MTDH: variants seen among roughly 807,000 people sequenced by gnomAD.
MTDH encodes protein LYRIC.
In MTDH, 34 loss-of-function variants were observed where a neutral mutation model predicts 72.7. The observed-to-expected ratio is 0.47, with a 90% CI of 0.36 to 0.62. MTDH has a LOEUF of 0.62. Ranked by LOEUF, MTDH falls within the 20% of genes least tolerant of loss-of-function variation. The pLI, the probability that MTDH is intolerant of heterozygous loss-of-function variation, is 0.00. For missense variants in MTDH, 677 were observed against 699.4 expected, an observed-to-expected ratio of 0.97 and a Z score of 0.36; for synonymous variants, 266 against 268.9, an observed-to-expected ratio of 0.99 and a Z score of 0.10.
At chr8:97,668,803 C>T (rs1199462806) in intron 2 of MTDH, among the ~76,000 whole-genome samples, 1 of 152,156 alleles carries the variant, frequency 6.6e-6, no homozygotes, top group Non-Finnish European at 1.5e-5. Flanking sequence ...GGCCCGCCCA[C>T]CTCGGCCTCC....
At chr8:97,718,437 T>C (rs1270528477) in intron 9 of MTDH, among the ~76,000 whole-genome samples, 3 of 152,242 alleles carry the variant, frequency 2.0e-5, no homozygotes, top group African/African-American at 7.2e-5. Flanking sequence ...ATCTAGAAAA[T>C]TAACTTATGT....
intron 7 of MTDH, 134 bp downstream of exon 7, chr8:97,699,986 A>G (rs548328071): frequency 2.0e-5 from 10 of 496,260 alleles, no homozygotes; most frequent in South Asian, 8.5e-5. Context: ...TTTAATACCA[A>G]ATGTACTACT....
rs1815323800 is a variant in MTDH, at chr8:97,725,673, A to G, written c.*1003A>G. The G allele has an allele frequency of 6.6e-6, 1 of 152,640 alleles. No individual in the cohort carries two copies. Among genetic ancestry groups the G allele is most frequent in the Non-Finnish European group, 1.5e-5 (1 of 68,032 alleles). The allele number at this position is 152,640 out of a possible 1,614,324, so 9.5% of individuals were successfully genotyped here. A position where few individuals can be genotyped will look rare whatever the true frequency, so the allele number is the denominator to read the frequency against. On this transcript the variant is annotated 3_prime_UTR_variant, in exon 12 of 12. Transcript: ENST00000336273. ...TGCCTTAACCTGTAGTGCGTAGAAT[A>G]TGCATCAATTTCTTGAAGGAGATTC...
chr8:97,713,784 C>T lies in MTDH; in HGVS notation c.1380+15C>T. 6.8e-7 allele frequency: 1 copy of T among 1,475,980 alleles called. No individual in the cohort carries two copies. Among genetic ancestry groups the T allele is most frequent in the Non-Finnish European group, 9.2e-7 (1 of 1,092,244 alleles). The allele number at this position is 1,475,980 out of a possible 1,614,324, so 91.4% of individuals were successfully genotyped here. On this transcript the variant is annotated intron_variant, in intron 9 of 11. Transcript: ENST00000336273. ...CTACTGCACAGGTAAAATGTCAGAA[C>T]AACAAGCATTCATTAAGCGCCTCCG...
At chr8:97,684,297 C>T (rs762593842) in intron 2 of MTDH, among the ~76,000 whole-genome samples, 3 of 151,914 alleles carry the variant, frequency 2.0e-5, no homozygotes, top group African/African-American at 4.8e-5. Context: ...ATTATAGATA[C>T]GTTGTGTTAA....
At chr8:97,722,486 C>T (rs1056064031) in intron 10 of MTDH, among the ~76,000 whole-genome samples, 5 of 152,132 alleles carry the variant, frequency 3.3e-5, no homozygotes, top group Admixed American at 6.6e-5. Context: ...CCTGTAGTCC[C>T]AGCTACTCAG....
At chr8:97,719,459 C>G (rs1018461905) in intron 10 of MTDH, among the ~76,000 whole-genome samples, 25 of 145,658 alleles carry the variant, frequency 1.7e-4, no homozygotes, top group Admixed American at 1.4e-3. Flanking sequence ...CTCCACTGCA[C>G]TCCGGCCTAG....
intron 8 of MTDH, among the ~76,000 whole-genome samples, chr8:97,709,854 A>G (rs1814548217): frequency 6.6e-6 from 1 of 152,224 alleles, no homozygotes; most frequent in African/African-American, 2.4e-5. Context: ...TTTAAAATAC[A>G]TTTATCAAAA....
intron 1 of MTDH, among the ~76,000 whole-genome samples, chr8:97,645,770 T>G (rs902269877): frequency 1.3e-5 from 2 of 152,220 alleles, no homozygotes; most frequent in African/African-American, 2.4e-5. Context: ...GGTTCTCCCA[T>G]TATATCTTTC....
intron 11 of MTDH, among the ~76,000 whole-genome samples, chr8:97,723,616 A>G (rs7838173): frequency 0.039 from 5,063 of 129,766 alleles, 261 homozygotes; most frequent in African/African-American, 0.13. Flanking sequence ...GGTGGCAGGC[A>G]CCTGTAGTCC....
In MTDH at chr8:97,727,508, T is replaced by G. The variant is rs1489343139; in HGVS notation, c.*2838T>G. 6.3e-5 allele frequency: 6 copies of G among 94,598 alleles called. No homozygotes were observed. Among genetic ancestry groups the G allele is most frequent in the Admixed American group, 3.2e-4 (3 of 9,392 alleles). The allele number at this position is 94,598 out of a possible 1,614,324, so 5.9% of individuals were successfully genotyped here. A position where few individuals can be genotyped will look rare whatever the true frequency, so the allele number is the denominator to read the frequency against. ...AGACTCAATCTCAAAAAAAAAAAAG[T>G]TTCTGGCACCTGAACAGGAACTGGT... is the stretch of plus-strand genomic sequence containing the variant. On this transcript the variant is annotated 3_prime_UTR_variant, in exon 12 of 12. Transcript: ENST00000336273.
chr8:97,684,110 C>G (rs913037854), intron 2 of MTDH, among the ~76,000 whole-genome samples: 1 of 142,722 alleles, frequency 7.0e-6, no homozygotes, highest in African/African-American at 2.6e-5. Context: ...GCACTCCAGC[C>G]TGGGCAACAA....
chr8:97,649,535 ACTC>A (rs571987357), intron 1 of MTDH, among the ~76,000 whole-genome samples: 156 of 151,914 alleles, frequency 1.0e-3, no homozygotes, highest in African/African-American at 3.1e-3. Context: ...TCTCACCATT[ACTC>A]CTAAGACAAG....
intron 2 of MTDH, among the ~76,000 whole-genome samples, chr8:97,685,065 C>CA (rs912657353): frequency 2.0e-5 from 3 of 151,260 alleles, no homozygotes; most frequent in African/African-American, 2.4e-5. Flanking sequence ...GACTCCGTCT[C>CA]AAAAAAAACC....
At position 97,687,417 on chromosome 8, in the gene MTDH, G is replaced by C; in HGVS notation, c.569-12G>C. ...CTTACTGAATAACATTTTTTTTCTG[G>C]GGCTATGTCAGGAGCCTGGGAAACT... On this transcript the variant is annotated splice_polypyrimidine_tract_variant and intron_variant, in intron 3 of 11. Transcript: ENST00000336273. 1 of 1,550,366 alleles carries C rather than the reference G, an allele frequency of 6.5e-7. No homozygotes were observed. Among genetic ancestry groups the C allele is most frequent in the Non-Finnish European group, 8.7e-7 (1 of 1,148,966 alleles).
intron 2 of MTDH, among the ~76,000 whole-genome samples, chr8:97,680,463 A>T (rs765881056): frequency 6.6e-6 from 1 of 152,204 alleles, no homozygotes; most frequent in Non-Finnish European, 1.5e-5. Context: ...ATTGTCATTT[A>T]ACTCATTCCT....
rs970082526 is a variant in MTDH at position 97,727,788 on chromosome 8, A to C, written c.*3118A>C. 1.3e-5 allele frequency: 2 copies of C among 152,182 alleles called. No individual in the cohort carries two copies. The highest frequency in any genetic ancestry group is 4.8e-5 in the African/African-American group (2 of 41,446). 9.4% of individuals were successfully genotyped at this position (152,182 alleles called of 1,614,324 possible). A position where few individuals can be genotyped will look rare whatever the true frequency, so the allele number is the denominator to read the frequency against. On this transcript the variant is annotated 3_prime_UTR_variant, in exon 12 of 12. Transcript: ENST00000336273. ...ATACTGAAAATTCTTCCCTACTCTG[A>C]GGCAGGGTGTAGTGGTTTAGGGGTT...
At chr8:97,680,049 A>T (rs928144116) in intron 2 of MTDH, among the ~76,000 whole-genome samples, 2 of 152,106 alleles carry the variant, frequency 1.3e-5, no homozygotes, top group African/African-American at 2.4e-5. Flanking sequence ...ATGATTATTT[A>T]TCAAAGCCTT....
At chr8:97,655,891 A>G (rs568562357) in intron 1 of MTDH, among the ~76,000 whole-genome samples, 3 of 152,250 alleles carry the variant, frequency 2.0e-5, no homozygotes, top group Non-Finnish European at 2.9e-5. Flanking sequence ...GTAAATGTGT[A>G]AGACAAAGTA....
Sources: gnomAD v4.1 joint callset for allele counts (sites outside exome capture counted in the v4.1 genomes callset) on GRCh38, gnomAD v4.1.1 for gene constraint, MANE v1.5 for transcripts, NCBI Gene and HGNC (gene_info 2026-07-23, HGNC 2026-07-21) for gene names.